Variants in RFC3 observed in about 807,000 individuals in gnomAD.
The protein encoded by RFC3 is A1 38 kDa subunit.
RFC3 carries 41 observed loss-of-function variants against 45.1 expected under a neutral mutation model. That is an observed-to-expected ratio of 0.91 (90% confidence interval 0.71 to 1.18). RFC3 has a LOEUF of 1.18. RFC3 is among the 50% of genes most tolerant of loss of function. The pLI, the probability that RFC3 is intolerant of heterozygous loss-of-function variation, is 0.00. For missense variants in RFC3, 423 were observed against 428.1 expected (o/e 0.99, Z 0.10); for synonymous variants, 149 against 144.0 (o/e 1.03, Z -0.25).
intron 8 of RFC3, among the ~76,000 whole-genome samples, chr13:33,872,758 AAAAC>A (rs2082419181): frequency 6.6e-6 from 1 of 150,572 alleles, no homozygotes; most frequent in Non-Finnish European, 1.5e-5. Context: ...AACAAAATGA[AAAAC>A]AAAACAGAAC....
intron 8 of RFC3, among the ~76,000 whole-genome samples, chr13:33,845,832 T>C (rs920441318): frequency 2.6e-5 from 4 of 152,208 alleles, no homozygotes; most frequent in African/African-American, 9.6e-5. Flanking sequence ...CTGCTGCTTG[T>C]AGATGTTCAT....
chr13:33,943,269 T>C (rs1347656910), intron 8 of RFC3, among the ~76,000 whole-genome samples: 1 of 152,192 alleles, frequency 6.6e-6, no homozygotes, highest in Non-Finnish European at 1.5e-5. Flanking sequence ...TTTAACTTCA[T>C]AACACGGCAT....
intron 8 of RFC3, among the ~76,000 whole-genome samples, chr13:33,872,829 A>G (rs1010615740): frequency 1.4e-5 from 2 of 140,790 alleles, no homozygotes; most frequent in Non-Finnish European, 3.1e-5. Context: ...CACTCAGTAA[A>G]TGTTTGAATG....
chr13:33,953,274 T>G (rs1203640003), intron 8 of RFC3, among the ~76,000 whole-genome samples: 1 of 150,902 alleles, frequency 6.6e-6, no homozygotes, highest in Non-Finnish European at 1.5e-5. Flanking sequence ...GGCTGGACTT[T>G]GAGAAATATG....
At chr13:33,976,338 T>C in the RFC3 span, among the ~76,000 whole-genome samples, 1 of 152,062 alleles carries the variant, frequency 6.6e-6, no homozygotes, top group Non-Finnish European at 1.5e-5. Flanking sequence ...CAAACAAATA[T>C]GGCACGTTCT....
chr13:33,909,480 C>G (rs1214243654), intron 8 of RFC3, among the ~76,000 whole-genome samples: 1 of 152,004 alleles, frequency 6.6e-6, no homozygotes, highest in East Asian at 1.9e-4. Context: ...ACCCTAAGCT[C>G]TTCCTCCTAT....
At chr13:33,958,629 A>G (rs902436674) in intron 8 of RFC3, among the ~76,000 whole-genome samples, 1 of 152,220 alleles carries the variant, frequency 6.6e-6, no homozygotes, top group African/African-American at 2.4e-5. Context: ...CTTGTTTACT[A>G]TAGGGAGAGT....
downstream of RFC3, among the ~76,000 whole-genome samples, chr13:33,839,650 A>G (rs964860254): frequency 5.9e-5 from 9 of 152,196 alleles, no homozygotes; most frequent in Admixed American, 4.6e-4. Context: ...AAATCACCCA[A>G]TATCTTCCTG....
intron 8 of RFC3, among the ~76,000 whole-genome samples, chr13:33,884,909 A>G (rs562895872): frequency 1.7e-4 from 26 of 152,306 alleles, no homozygotes; most frequent in African/African-American, 6.3e-4. Context: ...GCTTTTCAAG[A>G]TCAACTTTTC....
chr13:33,879,393 G>C (rs1388162020), intron 8 of RFC3, among the ~76,000 whole-genome samples: 1 of 152,092 alleles, frequency 6.6e-6, no homozygotes, highest in East Asian at 1.9e-4. Context: ...GCAAACAACT[G>C]TACTACATTA....
chr13:33,832,744 T>C lies in RFC3; in HGVS notation c.809+1390T>C, dbSNP rs146589779. 5.5e-3 allele frequency among the ~76,000 whole-genome samples: 832 copies of C among 152,260 alleles called. 4 individuals carry two copies. Among genetic ancestry groups the C allele is most frequent in the African/African-American group, 0.019 (779 of 41,570 alleles). On this transcript the variant is annotated intron_variant, in intron 7 of 8. Coordinates refer to ENST00000380071, the MANE Select transcript of RFC3 (RefSeq NM_002915.4). ...AGAGATAAAATTCAAATAAAGCATG[T>C]CTTAGGTGCCTTTTACTTTTATAAA...
intron 8 of RFC3, among the ~76,000 whole-genome samples, chr13:33,843,109 T>C (rs1430242205): frequency 6.6e-6 from 1 of 151,982 alleles, no homozygotes; most frequent in Non-Finnish European, 1.5e-5. Context: ...ACCTCAACTC[T>C]TGGCAGCAAT....
At chr13:33,892,870 T>C (rs1350216078) in intron 8 of RFC3, among the ~76,000 whole-genome samples, 1 of 152,162 alleles carries the variant, frequency 6.6e-6, no homozygotes, top group Non-Finnish European at 1.5e-5. Flanking sequence ...TGAATTTCTA[T>C]ATTGGTAATG....
At chr13:33,827,389 G>A (rs2082060069) in intron 4 of RFC3, among the ~76,000 whole-genome samples, 2 of 152,162 alleles carry the variant, frequency 1.3e-5, no homozygotes, top group Admixed American at 1.3e-4. Flanking sequence ...CTTAGTCACT[G>A]TTTCAAACAT....
chr13:33,913,683 A>G (rs2082716289), intron 8 of RFC3, among the ~76,000 whole-genome samples: 1 of 152,112 alleles, frequency 6.6e-6, no homozygotes, highest in African/African-American at 2.4e-5. Context: ...GGATTAAGTG[A>G]AATATCGTAT....
chr13:33,883,991 TGTGTA>T (rs1463885110), intron 8 of RFC3, among the ~76,000 whole-genome samples: 1 of 152,072 alleles, frequency 6.6e-6, no homozygotes, highest in Non-Finnish European at 1.5e-5. Flanking sequence ...TTGTCACCAA[TGTGTA>T]GCCTTTGAAT....
At chr13:33,819,704 A>T (rs2081983927) in intron 1 of RFC3, among the ~76,000 whole-genome samples, 1 of 152,104 alleles carries the variant, frequency 6.6e-6, no homozygotes, top group Non-Finnish European at 1.5e-5. Flanking sequence ...AATACATTTT[A>T]TTTTCTGTGG....
chr13:33,910,155 T>G (rs2082695525), intron 8 of RFC3, among the ~76,000 whole-genome samples: 1 of 152,100 alleles, frequency 6.6e-6, no homozygotes, highest in Non-Finnish European at 1.5e-5. Flanking sequence ...ACTTACCCAA[T>G]TATCTAACAT....
At chr13:33,904,668 C>T (rs17080115) in intron 8 of RFC3, among the ~76,000 whole-genome samples, 4,478 of 152,146 alleles carry the variant, frequency 0.029, 225 homozygotes, top group African/African-American at 0.1. Flanking sequence ...GATTCCCTCA[C>T]GTGCCATTCA....
Sources: gnomAD v4.1 joint callset for allele counts (sites outside exome capture counted in the v4.1 genomes callset) on GRCh38, gnomAD v4.1.1 for gene constraint, MANE v1.5 for transcripts, NCBI Gene and HGNC (gene_info 2026-07-23, HGNC 2026-07-21) for gene names.